Variants in GPM6B observed in about 807,000 individuals in gnomAD.
GPM6B encodes neuronal membrane glycoprotein M6-b.
In GPM6B, 4 loss-of-function variants were observed where a neutral mutation model predicts 27.2. That is an observed-to-expected ratio of 0.15 (90% CI 0.07 to 0.34). The LOEUF (loss-of-function observed/expected upper bound fraction) is 0.34. GPM6B is among the 10% of genes least tolerant of loss of function. The pLI is 1.00. For missense variants in GPM6B, 183 were observed against 261.9 expected, an observed-to-expected ratio of 0.70 and a Z score of 2.08; for synonymous variants, 124 against 103.1, an observed-to-expected ratio of 1.20 and a Z score of -1.23.
chrX:13,931,524 A>G (rs1162197958), intron 1 of GPM6B, among the ~76,000 whole-genome samples: 3 of 111,006 alleles, frequency 2.7e-5, no homozygotes, highest in Admixed American at 9.5e-5. Context: ...AAAAATAAAT[A>G]AATAAAATTA....
chrX:13,790,899 G>C, intron 2 of GPM6B, among the ~76,000 whole-genome samples: 1 of 111,889 alleles, frequency 8.9e-6, no homozygotes, highest in Non-Finnish European at 1.9e-5. Context: ...AAAGTGCTGG[G>C]AGTGCCTGTG....
At position 13,901,614 on chromosome X, in the gene GPM6B, A is replaced by G. The variant is rs772587179; in HGVS notation, c.-198+36713T>C. ...AGTCCAGCCAGCCAGACAAGGTCAC[A>G]CGGCAAAATCCAAAAATATGTGCTT... On this transcript the variant is annotated intron_variant, in intron 1 of 6. Coordinates refer to the GPM6B transcript ENST00000398361. 1.4e-3 allele frequency among the ~76,000 whole-genome samples: 155 copies of G among 111,532 alleles called. 1 individual carries two copies. Among genetic ancestry groups the G allele is most frequent in the African/African-American group, 4.6e-3 (142 of 30,724 alleles).
At chrX:13,784,024 G>A (rs147232494) in intron 3 of GPM6B, 9,366 of 236,722 alleles carry the variant, frequency 0.04, 189 homozygotes, top group Non-Finnish European at 0.056. Flanking sequence ...GGTAATCTGG[G>A]GAGATGTCTT....
At chrX:13,935,335 C>CAAAAAAAAAA in intron 1 of GPM6B, among the ~76,000 whole-genome samples, 1 of 42,711 alleles carries the variant, frequency 2.3e-5, no homozygotes, top group Non-Finnish European at 4.0e-5. Flanking sequence ...CCTATCTCTA[C>CAAAAAAAAAA]AAAAAAAAAA....
At chrX:13,785,595 C>T (rs1461040452) in intron 3 of GPM6B, 27 bp downstream of exon 3, 1 of 1,193,360 alleles carries the variant, frequency 8.4e-7, no homozygotes, top group Admixed American at 2.2e-5. Flanking sequence ...GCCTTAGATG[C>T]ATTTTTAAAG....
At chrX:13,875,846 T>C (rs2050027856) in intron 1 of GPM6B, among the ~76,000 whole-genome samples, 1 of 111,630 alleles carries the variant, frequency 9.0e-6, no homozygotes, top group Admixed American at 9.5e-5. Flanking sequence ...AGAAAGCAGA[T>C]TAGTGGTTGC....
intron 1 of GPM6B, among the ~76,000 whole-genome samples, chrX:13,892,190 A>G (rs10521636): frequency 0.21 from 23,183 of 111,064 alleles, 1,979 homozygotes; most frequent in South Asian, 0.34. Flanking sequence ...AGGAAAAGCG[A>G]GCGTTCAAAA....
chrX:13,817,171 T>G, upstream of GPM6B: 1 of 916,293 alleles, frequency 1.1e-6, no homozygotes, highest in Non-Finnish European at 1.3e-6. Flanking sequence ...AAAACAGCCA[T>G]TCGGCGCCCG....
In GPM6B at chrX:13,886,719, T is replaced by TAAAAAAAAAAAAAAAAAAAA. The variant is rs5901522; in HGVS notation, c.-198+51588_-198+51607dup. Among the ~76,000 whole-genome samples, 83 of 35,097 alleles carry TAAAAAAAAAAAAAAAAAAAA rather than the reference T, an allele frequency of 2.4e-3. 10 individuals carry two copies. Among genetic ancestry groups the TAAAAAAAAAAAAAAAAAAAA allele is most frequent in the East Asian group, 4.3e-3 (2 of 463 alleles). 30.5% of individuals were successfully genotyped at this position (35,097 alleles called of 115,157 possible). ...ACCTCTCTCTACCTTAAGTCACTAC[T>TAAAAAAAAAAAAAAAAAAAA]AAAAAAAAAAAAAAAAAAAAAAATC... is the stretch of plus-strand genomic sequence containing the variant. On this transcript the variant is annotated intron_variant, in intron 1 of 6. Transcript: ENST00000398361.
intron 1 of GPM6B, among the ~76,000 whole-genome samples, chrX:13,842,739 A>G (rs1283950687): frequency 9.0e-6 from 1 of 111,222 alleles, no homozygotes; most frequent in Non-Finnish European, 1.9e-5. Flanking sequence ...AAAAGAAAAA[A>G]AATTTTTTAA....
At chrX:13,819,853 G>C (rs775309346), upstream of GPM6B, among the ~76,000 whole-genome samples, 1 of 112,154 alleles carries the variant, frequency 8.9e-6, no homozygotes, top group Non-Finnish European at 1.9e-5. Context: ...GCTTTGCAGA[G>C]TTGAGTTGGC....
chrX:13,895,228 T>C (rs181124317), intron 1 of GPM6B, among the ~76,000 whole-genome samples: 159 of 111,841 alleles, frequency 1.4e-3, no homozygotes, highest in African/African-American at 5.0e-3. Flanking sequence ...CAGTAAGGCA[T>C]TGACAATGGC....
chrX:13,803,870 C>T (rs2048967742), intron 2 of GPM6B, among the ~76,000 whole-genome samples: 1 of 111,843 alleles, frequency 8.9e-6, no homozygotes, highest in South Asian at 3.8e-4. Context: ...CAGGACTCAA[C>T]AGATTAATGA....
intron 1 of GPM6B, among the ~76,000 whole-genome samples, chrX:13,813,549 G>T (rs1366436957): frequency 1.8e-5 from 2 of 111,778 alleles, no homozygotes; most frequent in African/African-American, 6.5e-5. Flanking sequence ...TACATATAAT[G>T]AAAATAATTT....
At chrX:13,871,521 G>T (rs2049978631) in intron 1 of GPM6B, among the ~76,000 whole-genome samples, 1 of 112,104 alleles carries the variant, frequency 8.9e-6, no homozygotes, top group Non-Finnish European at 1.9e-5. Flanking sequence ...CTCAAAGTGT[G>T]GCCCTTAGAC....
intron 2 of GPM6B, among the ~76,000 whole-genome samples, 165 bp from the exon 3 acceptor site, chrX:13,785,973 C>T (rs1264668564): frequency 8.9e-6 from 1 of 112,562 alleles, no homozygotes; most frequent in African/African-American, 3.2e-5. Flanking sequence ...TGGTAGTTAC[C>T]GTGATCTCAC....
intron 1 of GPM6B, among the ~76,000 whole-genome samples, chrX:13,814,108 T>C (rs1003902784): frequency 1.8e-5 from 2 of 112,491 alleles, no homozygotes; most frequent in Non-Finnish European, 3.8e-5. Context: ...AGTTAGTGAA[T>C]CACAATAGCT....
At chrX:13,840,252 A>G (rs2049556533) in intron 1 of GPM6B, among the ~76,000 whole-genome samples, 1 of 111,368 alleles carries the variant, frequency 9.0e-6, no homozygotes. Flanking sequence ...GCAGCATGCC[A>G]CCAACCCTCC....
At chrX:13,819,773 C>A (rs2049286920), upstream of GPM6B, among the ~76,000 whole-genome samples, 1 of 111,455 alleles carries the variant, frequency 9.0e-6, no homozygotes, top group Admixed American at 9.6e-5. Flanking sequence ...ACAGGGTGCT[C>A]CTGCCTGCCA....
Sources: allele counts gnomAD v4.1 joint callset (sites outside exome capture counted in the v4.1 genomes callset), GRCh38; gene constraint gnomAD v4.1.1; transcripts MANE v1.5; gene names NCBI Gene and HGNC (gene_info 2026-07-23, HGNC 2026-07-21).